Variants in KDM4B observed in about 807,000 individuals in gnomAD.
KDM4B encodes lysine-specific demethylase 4B.
A neutral mutation model predicts 125.2 loss-of-function variants in KDM4B; 32 were observed. That is an observed-to-expected ratio of 0.26 (90% CI 0.19 to 0.34). KDM4B has a LOEUF of 0.34. Ranked by LOEUF, KDM4B falls within the 10% of genes least tolerant of loss-of-function variation. The pLI is 1.00. For synonymous variants in KDM4B, 721 were observed against 677.9 expected (o/e 1.06, Z -0.99); for missense variants, 1,190 against 1,577.7 (o/e 0.75, Z 4.16).
intron 8 of KDM4B, among the ~76,000 whole-genome samples, chr19:5,080,455 G>C (rs1244144278): frequency 3.3e-5 from 5 of 152,238 alleles, no homozygotes; most frequent in African/African-American, 4.8e-5. Flanking sequence ...CTGCAGGAAC[G>C]AAAGCCATGG....
At chr19:5,012,078 T>C (rs1049760096) in intron 1 of KDM4B, among the ~76,000 whole-genome samples, 4 of 152,310 alleles carry the variant, frequency 2.6e-5, no homozygotes, top group Admixed American at 2.6e-4. Context: ...TGCAGGCTTC[T>C]GTCATGCTGC....
intron 6 of KDM4B, among the ~76,000 whole-genome samples, chr19:5,064,387 G>A (rs2037701609): frequency 6.6e-6 from 1 of 151,354 alleles, no homozygotes; most frequent in Admixed American, 6.6e-5. Flanking sequence ...TCACCCTCCA[G>A]CACGCATTGG....
At chr19:5,047,347 C>G in intron 5 of KDM4B, 129 bp from the exon 6 acceptor site, 1 of 799,388 alleles carries the variant, frequency 1.3e-6, no homozygotes, top group South Asian at 1.8e-5. Context: ...CTGGGGGGGC[C>G]GCAGATACTG....
intron 3 of KDM4B, 37 bp from the exon 4 acceptor site, chr19:5,039,791 CCTGAGGGT>C: frequency 3.1e-6 from 5 of 1,594,296 alleles, no homozygotes; most frequent in Non-Finnish European, 4.3e-6. Flanking sequence ...CTGGCCCTGC[CCTGAGGGT>C]CTGAGGGTGC....
chr19:5,119,138 A>G, intron 10 of KDM4B: 6 of 1,532,972 alleles, frequency 3.9e-6, no homozygotes, highest in Non-Finnish European at 5.2e-6. Flanking sequence ...CTGAAAGAAA[A>G]CAGACACTGG....
chr19:5,151,897 A>G lies in KDM4B; in HGVS notation c.*386A>G, dbSNP rs2039954736. The G allele has an allele frequency of 1.1e-5, 2 of 188,242 alleles. No individual in the cohort carries two copies. The highest frequency in any genetic ancestry group is 4.6e-5 in the African/African-American group (2 of 43,042). The allele number at this position is 188,242 out of a possible 1,614,324, so 11.7% of individuals were successfully genotyped here. A position where few individuals can be genotyped will look rare whatever the true frequency, so the allele number is the denominator to read the frequency against. ...CATATTGTTTAAAAAAAAGCAAGAAAAAAAGGAAAACAAAGGAAAATATCC... is the reference window on the plus strand; with the variant it reads ...CATATTGTTTAAAAAAAAGCAAGAAGAAAAGGAAAACAAAGGAAAATATCC... On this transcript the variant is annotated 3_prime_UTR_variant, in exon 23 of 23. Transcript: ENST00000159111.
At position 5,151,356 on chromosome 19, in the gene KDM4B, C is replaced by G. The variant is rs921636141; in HGVS notation, c.3136C>G (p.Gln1046Glu). The change falls in exon 23 of 23, where the codon CAG (glutamine) becomes GAG (glutamate). Residue 1046 changes from glutamine (Q) to glutamate (E), a missense_variant. By Grantham distance (29) the Gln-to-Glu change is conservative (BLOSUM62 2). Coordinates refer to ENST00000159111, the MANE Select transcript of KDM4B (RefSeq NM_015015.3). ...SRLSLSTGAP[Q>E]EPAFSGEEAK... Reference sequence around the variant, plus strand: ...GCAGTCACTGAGCACGGGGGCACCGCAGGAGCCCGCCTTCTCGGGGGAGGA... The same window carrying G: ...GCAGTCACTGAGCACGGGGGCACCGGAGGAGCCCGCCTTCTCGGGGGAGGA... 1.0e-5 allele frequency: 16 copies of G among 1,576,036 alleles called. No homozygotes were observed. In the East Asian group the frequency reaches 3.8e-4, roughly 37 times the overall value.
Position 5,101,736 on chromosome 19 carries a change from G to A in KDM4B, c.919-8886G>A, listed in dbSNP as rs549909665. 2.7e-5 allele frequency among the ~76,000 whole-genome samples: 4 copies of A among 150,448 alleles called. No individual in the cohort carries two copies. The East Asian group carries it at 7.8e-4, about 30-fold the overall frequency. The stretch of plus-strand genomic sequence containing the variant: ...GAGATCCGGGTGGGCTGTGGATGCA[G>A]GGGAAGGGCGGGGAGGGCCTCACTC... On this transcript the variant is annotated intron_variant, in intron 9 of 22. Transcript: ENST00000159111.
chr19:5,013,189 C>A (rs919700787), intron 1 of KDM4B, among the ~76,000 whole-genome samples: 3 of 152,208 alleles, frequency 2.0e-5, no homozygotes, highest in African/African-American at 7.2e-5. Context: ...CTGGTGGCTT[C>A]CATGCCTTCT....
Position 5,137,278 on chromosome 19 carries a change from T to C in KDM4B, c.2325T>C (p.Arg775=), listed in dbSNP as rs1461796983. The change falls in exon 16 of 23, where the codon CGT becomes CGC. Residue 775 remains arginine, a synonymous_variant. Transcript: ENST00000159111. ...LQVHASCYGI[R]PELVNEGWTC... ...GTCTTCCAGGTTGCTATGGCATCCG[T>C]CCCGAGCTGGTCAATGAAGGCTGGA... 3 of 1,577,602 alleles carry C rather than the reference T, an allele frequency of 1.9e-6. No individual in the cohort carries two copies. The highest frequency in any genetic ancestry group is 2.3e-5 in the East Asian group (1 of 43,258).
chr19:5,043,401 G>A (rs1285232029), intron 5 of KDM4B, among the ~76,000 whole-genome samples: 2 of 108,224 alleles, frequency 1.8e-5, no homozygotes, highest in Admixed American at 1.9e-4. Context: ...GGAGTGGGGG[G>A]GTCCACCGTA....
chr19:5,007,572 G>A (rs2035601812), intron 1 of KDM4B, among the ~76,000 whole-genome samples: 1 of 115,080 alleles, frequency 8.7e-6, no homozygotes, highest in Admixed American at 1.1e-4. Flanking sequence ...TTGAGACAGA[G>A]TATTGTTCCA....
intron 1 of KDM4B, among the ~76,000 whole-genome samples, chr19:4,987,664 G>C (rs1481315807): frequency 6.6e-6 from 1 of 152,200 alleles, no homozygotes; most frequent in Admixed American, 6.5e-5. Context: ...GGATGGCAAT[G>C]CTTCTGCTGT....
At position 5,057,752 on chromosome 19, in the gene KDM4B, G is replaced by A. The variant is rs572949871; in HGVS notation, c.626+10083G>A. On this transcript the variant is annotated intron_variant, in intron 6 of 22. Coordinates refer to ENST00000159111, the MANE Select transcript of KDM4B (RefSeq NM_015015.3). ...TCCTGGGAGCAGGTGCCAGGACGAT[G>A]TGCAGCCTTGAGGACAGGGTGTGTC... Among the ~76,000 whole-genome samples, 399 of 152,352 alleles carry A rather than the reference G, an allele frequency of 2.6e-3. 1 individual carries two copies. The highest frequency in any genetic ancestry group is 5.1e-3 in the Non-Finnish European group (344 of 68,026).
chr19:5,090,394 C>T (rs369992287), intron 9 of KDM4B, among the ~76,000 whole-genome samples: 1 of 51,164 alleles, frequency 2.0e-5, no homozygotes, highest in Non-Finnish European at 3.9e-5. Flanking sequence ...ATCTCTCCCC[C>T]TCTCTCTCTC....
intron 13 of KDM4B, 22 bp downstream of exon 13, chr19:5,132,029 C>T (rs369243574): frequency 3.0e-5 from 47 of 1,589,340 alleles, no homozygotes; most frequent in East Asian, 2.3e-5. Context: ...GTCCCCAGGT[C>T]GGCTCTCATC....
intron 11 of KDM4B, among the ~76,000 whole-genome samples, chr19:5,129,960 A>G (rs906757428): frequency 1.3e-5 from 2 of 152,206 alleles, no homozygotes; most frequent in Non-Finnish European, 1.5e-5. Flanking sequence ...AGCCCGACAC[A>G]GAGCGCCGCT....
At chr19:4,990,314 C>G (rs778778491) in intron 1 of KDM4B, among the ~76,000 whole-genome samples, 14 of 152,128 alleles carry the variant, frequency 9.2e-5, no homozygotes, top group Non-Finnish European at 1.9e-4. Context: ...AGGGTCAGAA[C>G]CTTGGTGTTA....
chr19:5,081,851 G>A lies in KDM4B; in HGVS notation c.781-516G>A, dbSNP rs186307859. On this transcript the variant is annotated intron_variant, in intron 8 of 22. Coordinates refer to ENST00000159111, the MANE Select transcript of KDM4B (RefSeq NM_015015.3). The surrounding 1 kb of genome is among the most constrained non-coding windows in gnomAD (Gnocchi z 4.2). ...TGCGAGGGCAGAAGGTGTCCTGAGC[G>A]CGTGCAGTGTCTTGTCTTCAGAGCA... Among the ~76,000 whole-genome samples the A allele has an allele frequency of 3.1e-4, 47 of 152,292 alleles. No individual in the cohort carries two copies. The highest frequency in any genetic ancestry group is 9.4e-4 in the African/African-American group (39 of 41,556).
Sources: allele counts gnomAD v4.1 joint callset (sites outside exome capture counted in the v4.1 genomes callset), GRCh38; gene constraint gnomAD v4.1.1; non-coding constraint Gnocchi (gnomAD v3.1); transcripts MANE v1.5; gene names NCBI Gene and HGNC (gene_info 2026-07-23, HGNC 2026-07-21).